Variants in CAMKK2 observed in about 807,000 individuals in gnomAD.
CAMKK2 encodes the protein calcium/calmodulin-dependent protein kinase kinase 2.
Under a neutral mutation model 67.2 loss-of-function variants are expected in CAMKK2, and 30 were observed. The observed-to-expected ratio is 0.45, with a 90% CI of 0.33 to 0.61. The LOEUF (loss-of-function observed/expected upper bound fraction) is 0.61. CAMKK2 is among the 20% of genes least tolerant of loss of function. The pLI, the probability that CAMKK2 is intolerant of heterozygous loss-of-function variation, is 0.02. For synonymous variants in CAMKK2, 322 were observed against 326.2 expected (o/e 0.99, Z 0.14); for missense variants, 643 against 802.0 (o/e 0.80, Z 2.39).
intron 11 of CAMKK2, among the ~76,000 whole-genome samples, chr12:121,251,031 C>G (rs1890605337): frequency 6.6e-6 from 1 of 152,192 alleles, no homozygotes; most frequent in Admixed American, 6.5e-5. Flanking sequence ...GGGCCTGACT[C>G]AAGAGCAGCT....
chr12:121,251,074 C>T (rs1163700176), intron 11 of CAMKK2, among the ~76,000 whole-genome samples: 2 of 152,130 alleles, frequency 1.3e-5, no homozygotes, highest in Admixed American at 6.5e-5. Flanking sequence ...AATCCTTACA[C>T]GGGACACTGA....
At position 121,252,652 on chromosome 12, in the gene CAMKK2, C is replaced by T; in HGVS notation, c.1161+9G>A. 1 of 1,614,076 alleles carries T rather than the reference C, an allele frequency of 6.2e-7. No homozygotes were observed. Among genetic ancestry groups the T allele is most frequent in the Non-Finnish European group, 8.5e-7 (1 of 1,179,920 alleles). Reference sequence around the variant, plus strand: ...CAGTACTGAGGGGACAGACACCCCGCCCTCTTACCTGGCCAAAGACAAAGC... The same window carrying T: ...CAGTACTGAGGGGACAGACACCCCGTCCTCTTACCTGGCCAAAGACAAAGC... On this transcript the variant is annotated intron_variant, in intron 11 of 16. Transcript: ENST00000404169.
intron 9 of CAMKK2, among the ~76,000 whole-genome samples, chr12:121,254,933 T>A (rs904104127): frequency 3.3e-5 from 5 of 151,758 alleles, no homozygotes; most frequent in African/African-American, 4.8e-5. Context: ...AACATTTGAG[T>A]CAGTGGGCTG....
intron 4 of CAMKK2, 54 bp from the exon 5 acceptor site, chr12:121,268,743 G>T: frequency 1.9e-6 from 3 of 1,560,878 alleles, no homozygotes; most frequent in African/African-American, 2.7e-5. Context: ...AAAGCAGGGA[G>T]GAAAAGGGGA....
At chr12:121,243,703 C>T in intron 16 of CAMKK2, 1 of 275,570 alleles carries the variant, frequency 3.6e-6, no homozygotes, top group South Asian at 6.6e-5. Flanking sequence ...AGGGTGTCTT[C>T]TTGGGCTGAT....
chr12:121,295,551 G>C (rs1452089766), intron 1 of CAMKK2, among the ~76,000 whole-genome samples: 1 of 152,190 alleles, frequency 6.6e-6, no homozygotes, highest in Admixed American at 6.5e-5. Flanking sequence ...TCTCCTCTGG[G>C]GGCAGAGCTA....
At chr12:121,259,121 G>A (rs944317923) in intron 7 of CAMKK2, among the ~76,000 whole-genome samples, 2 of 151,978 alleles carry the variant, frequency 1.3e-5, no homozygotes, top group Non-Finnish European at 2.9e-5. Flanking sequence ...GGATTACAGG[G>A]GTGAGCCACT....
intron 4 of CAMKK2, 79 bp from the exon 5 acceptor site, chr12:121,268,768 G>A (rs1566093368): frequency 1.3e-5 from 18 of 1,397,864 alleles, no homozygotes; most frequent in Non-Finnish European, 1.6e-5. Flanking sequence ...GGGCGCAGTC[G>A]GGGTTCCTCT....
chr12:121,274,634 A>T, intron 1 of CAMKK2, 49 bp from the exon 2 acceptor site: 1 of 728,564 alleles, frequency 1.4e-6, no homozygotes, highest in South Asian at 1.9e-5. Flanking sequence ...GGGCAGGGAC[A>T]GGAAAGGATC....
intron 11 of CAMKK2, 71 bp from the exon 12 acceptor site, chr12:121,250,105 G>A: frequency 1.7e-6 from 2 of 1,158,450 alleles, no homozygotes; most frequent in Non-Finnish European, 2.5e-6. Flanking sequence ...CACCTGTGCT[G>A]TGCCACTCCA....
chr12:121,273,568 TCA>T lies in CAMKK2; in HGVS notation c.471+486_471+487del, dbSNP rs1461875314. 2.0e-5 allele frequency among the ~76,000 whole-genome samples: 3 copies of T among 152,020 alleles called. No homozygotes were observed. The East Asian group carries it at 5.8e-4, about 29-fold the overall frequency. ...GGCCAGGCGGGTCGTCGCCAGGCTC[TCA>T]GTGACCCGCCTCATTCCATCACACC... On this transcript the variant is annotated intron_variant, in intron 2 of 16. Transcript: ENST00000404169.
At chr12:121,241,331 C>G (rs1052993982) in intron 16 of CAMKK2, among the ~76,000 whole-genome samples, 1 of 152,188 alleles carries the variant, frequency 6.6e-6, no homozygotes, top group African/African-American at 2.4e-5. Context: ...TCAGAGCCTC[C>G]CCTGCCTGGC....
upstream of CAMKK2, chr12:121,297,500 A>G (rs755203289): frequency 2.2e-6 from 1 of 444,718 alleles, no homozygotes; most frequent in Admixed American, 2.5e-5. Context: ...TTTGTGAAAT[A>G]CAGCATATTC....
chr12:121,282,754 C>G (rs76662148), intron 1 of CAMKK2, among the ~76,000 whole-genome samples: 3 of 120,460 alleles, frequency 2.5e-5, no homozygotes, highest in African/African-American at 1.1e-4. Flanking sequence ...TCTTTTTTTT[C>G]TTTTCTTTTC....
upstream of CAMKK2, chr12:121,297,046 G>C (rs1203025489): frequency 2.0e-5 from 3 of 153,096 alleles, no homozygotes; most frequent in Middle Eastern, 6.3e-3. Context: ...GCTGGGAGGA[G>C]AGCCTGGAGG....
chr12:121,295,965 TGA>T (rs1901077839), intron 1 of CAMKK2, among the ~76,000 whole-genome samples: 1 of 152,186 alleles, frequency 6.6e-6, no homozygotes, highest in Admixed American at 6.5e-5. Flanking sequence ...CCAGTGTCCC[TGA>T]GAGTCAGGCG....
chr12:121,267,022 CTTTTTTTTTTT>C (rs58762246), intron 5 of CAMKK2, among the ~76,000 whole-genome samples: 19 of 30,768 alleles, frequency 6.2e-4, no homozygotes, highest in African/African-American at 2.2e-3. Context: ...GTGCTCTGGC[CTTTTTTTTTTT>C]TTTTTTTTTT....
At chr12:121,249,579 A>G (rs577945169) in intron 13 of CAMKK2, among the ~76,000 whole-genome samples, 1 of 152,194 alleles carries the variant, frequency 6.6e-6, no homozygotes, top group South Asian at 2.1e-4. Flanking sequence ...CGGGTCATAG[A>G]TCCCACTCCC....
At chr12:121,294,308 C>T in intron 1 of CAMKK2, among the ~76,000 whole-genome samples, 1 of 152,138 alleles carries the variant, frequency 6.6e-6, no homozygotes, top group East Asian at 1.9e-4. Flanking sequence ...GACTCCCGCC[C>T]ACTAAAAGCC....
Sources: allele counts gnomAD v4.1 joint callset (sites outside exome capture counted in the v4.1 genomes callset), GRCh38; gene constraint gnomAD v4.1.1; transcripts MANE v1.5; gene names NCBI Gene and HGNC (gene_info 2026-07-23, HGNC 2026-07-21).